Variants in HPSE2 observed in about 807,000 individuals in gnomAD.
The protein encoded by HPSE2 is heparanase 2 (inactive), also known as inactive heparanase-2.
HPSE2 carries 38 observed loss-of-function variants against 60.5 expected under a neutral mutation model. That is an observed-to-expected ratio of 0.63 (90% CI 0.48 to 0.82). The LOEUF is 0.82. Among genes scored for constraint, HPSE2 ranks in the 40% least tolerant of loss-of-function variants. The probability of loss-of-function intolerance (pLI) is 0.00; values close to 1 mark genes in which losing one functional copy is unlikely to be tolerated. For synonymous variants in HPSE2, 295 were observed against 293.2 expected, an observed-to-expected ratio of 1.01 and a Z score of -0.06; for missense variants, 713 against 740.4, an observed-to-expected ratio of 0.96 and a Z score of 0.43.
intron 3 of HPSE2, among the ~76,000 whole-genome samples, chr10:99,011,338 A>G (rs1367074568): frequency 6.6e-6 from 1 of 152,208 alleles, no homozygotes; most frequent in Non-Finnish European, 1.5e-5. Context: ...AGTTGGATCA[A>G]TACTTATAGT....
rs535844757 is a variant in HPSE2, at chr10:98,850,467, T to C, written c.611-106411A>G. Among the ~76,000 whole-genome samples the C allele has an allele frequency of 1.4e-4, 22 of 152,220 alleles. 1 individual carries two copies. In the South Asian group the frequency reaches 4.6e-3, roughly 32 times the overall value. ...AAATATTATTTTGGGCCGGGCACGG[T>C]GGCTCACACCTGTAATCCCAGCACT... is the stretch of plus-strand genomic sequence containing the variant. On this transcript the variant is annotated intron_variant, in intron 3 of 11. Coordinates refer to ENST00000370552, the MANE Select transcript of HPSE2 (RefSeq NM_021828.5).
intron 9 of HPSE2, among the ~76,000 whole-genome samples, chr10:98,504,167 T>C (rs980039717): frequency 6.6e-6 from 1 of 152,214 alleles, no homozygotes; most frequent in Non-Finnish European, 1.5e-5. Flanking sequence ...GTTCTGCACA[T>C]CATCTCCTTT....
intron 7 of HPSE2, among the ~76,000 whole-genome samples, chr10:98,626,116 A>T (rs893796369): frequency 1.3e-4 from 12 of 91,380 alleles, no homozygotes; most frequent in Non-Finnish European, 2.4e-5. Context: ...AAAAAAAAAA[A>T]AGAAAAAGAA....
chr10:98,528,301 T>G (rs1038404079), intron 9 of HPSE2, among the ~76,000 whole-genome samples: 1 of 152,198 alleles, frequency 6.6e-6, no homozygotes, highest in Admixed American at 6.5e-5. Flanking sequence ...CCCAGCCAGC[T>G]TTTAGTTCAT....
intron 3 of HPSE2, among the ~76,000 whole-genome samples, chr10:99,074,759 A>G (rs1334062112): frequency 1.3e-5 from 2 of 151,978 alleles, no homozygotes; most frequent in African/African-American, 2.4e-5. Context: ...AGATTTTCTA[A>G]TCCTTCATGA....
intron 3 of HPSE2, among the ~76,000 whole-genome samples, chr10:98,764,249 A>C (rs1186326485): frequency 1.3e-5 from 2 of 152,264 alleles, no homozygotes; most frequent in East Asian, 3.9e-4. Context: ...AAAATACTGC[A>C]AATGTAGTCA....
chr10:98,817,540 C>T lies in HPSE2; in HGVS notation c.611-73484G>A, dbSNP rs75609933. ...TAAAATTGCTTCTCGCTAGAGCAGT[C>T]TTGAAACTCACAGAGGCTAATAAAA... On this transcript the variant is annotated intron_variant, in intron 3 of 11. Coordinates refer to ENST00000370552, the MANE Select transcript of HPSE2 (RefSeq NM_021828.5). Among the ~76,000 whole-genome samples, 1,401 of 152,238 alleles carry T rather than the reference C, an allele frequency of 9.2e-3. 24 individuals carry two copies. The highest frequency in any genetic ancestry group is 0.031 in the African/African-American group (1,298 of 41,554).
At chr10:99,132,493 C>T (rs913904832) in intron 3 of HPSE2, among the ~76,000 whole-genome samples, 3 of 152,088 alleles carry the variant, frequency 2.0e-5, no homozygotes, top group East Asian at 1.9e-4. Context: ...CATCTCCCAG[C>T]GAGATCGATG....
At chr10:98,616,568 T>G (rs1945915820) in intron 8 of HPSE2, among the ~76,000 whole-genome samples, 1 of 152,210 alleles carries the variant, frequency 6.6e-6, no homozygotes, top group South Asian at 2.1e-4. Context: ...ATATTGTGAA[T>G]AAATATTATT....
At chr10:98,859,774 A>C (rs2134771948) in intron 3 of HPSE2, among the ~76,000 whole-genome samples, 1 of 152,266 alleles carries the variant, frequency 6.6e-6, no homozygotes, top group East Asian at 1.9e-4. Flanking sequence ...AGTCTCCATA[A>C]TCACATGAGT....
intron 3 of HPSE2, among the ~76,000 whole-genome samples, chr10:98,986,426 G>T (rs1312371875): frequency 7.9e-5 from 12 of 151,136 alleles, no homozygotes; most frequent in African/African-American, 2.9e-4. Flanking sequence ...CAGAAATAAA[G>T]ATGTTCTTTG....
At chr10:98,747,917 C>T (rs1477751645) in intron 3 of HPSE2, among the ~76,000 whole-genome samples, 1 of 152,014 alleles carries the variant, frequency 6.6e-6, no homozygotes, top group Non-Finnish European at 1.5e-5. Flanking sequence ...AATATCATGC[C>T]GAAGAGTTCT....
At chr10:99,012,209 TTA>T (rs1390169012) in intron 3 of HPSE2, among the ~76,000 whole-genome samples, 1 of 152,236 alleles carries the variant, frequency 6.6e-6, no homozygotes, top group East Asian at 1.9e-4. Context: ...TAATCACAAT[TTA>T]TGATAGACTG....
chr10:98,852,147 GTGTGTGTGTGTGTGTGTGTATA>G lies in HPSE2; in HGVS notation c.611-108113_611-108092del, dbSNP rs1480780947. The stretch of plus-strand genomic sequence containing the variant: ...TGTGTGTGTGTGTGTGTGTGTGTGT[GTGTGTGTGTGTGTGTGTGTATA>G]TATGTTTGGTTTTCATCCATCCTTC... On this transcript the variant is annotated intron_variant, in intron 3 of 11. Coordinates refer to ENST00000370552, the MANE Select transcript of HPSE2 (RefSeq NM_021828.5). 2.7e-4 allele frequency among the ~76,000 whole-genome samples: 37 copies of G among 139,290 alleles called. 1 individual carries two copies. The highest frequency in any genetic ancestry group is 3.6e-3 in the Middle Eastern group (1 of 276). The allele number at this position is 139,290 out of a possible 152,430, so 91.4% of individuals were successfully genotyped here. A position where few individuals can be genotyped will look rare whatever the true frequency, so the allele number is the denominator to read the frequency against.
chr10:99,080,292 T>G (rs1350389234), intron 3 of HPSE2, among the ~76,000 whole-genome samples: 2 of 152,194 alleles, frequency 1.3e-5, no homozygotes, highest in Admixed American at 6.5e-5. Flanking sequence ...TTGAATTATC[T>G]TAGCCAAAAA....
intron 3 of HPSE2, among the ~76,000 whole-genome samples, chr10:99,019,291 C>G (rs1957209474): frequency 6.6e-6 from 1 of 152,186 alleles, no homozygotes; most frequent in Admixed American, 6.5e-5. Flanking sequence ...GTCAGATTTA[C>G]TAAGTGTTGA....
the HPSE2 span, among the ~76,000 whole-genome samples, chr10:99,293,967 A>G: frequency 6.6e-6 from 1 of 152,182 alleles, no homozygotes; most frequent in African/African-American, 2.4e-5. Context: ...CAGGTCCAGC[A>G]CTGATGGACA....
chr10:99,124,007 GC>G (rs1845066676), intron 3 of HPSE2, among the ~76,000 whole-genome samples: 1 of 152,022 alleles, frequency 6.6e-6, no homozygotes, highest in African/African-American at 2.4e-5. Context: ...CTATCCGTAG[GC>G]AGGTTGTCCT....
chr10:98,519,588 C>A (rs779002073), intron 9 of HPSE2, among the ~76,000 whole-genome samples: 3 of 152,224 alleles, frequency 2.0e-5, no homozygotes, highest in Non-Finnish European at 2.9e-5. Flanking sequence ...AGAAGCTGAG[C>A]CAGTGGAGAA....
Sources: gnomAD v4.1 joint callset for allele counts (sites outside exome capture counted in the v4.1 genomes callset) on GRCh38, gnomAD v4.1.1 for gene constraint, MANE v1.5 for transcripts, NCBI Gene and HGNC (gene_info 2026-07-23, HGNC 2026-07-21) for gene names.